Variants in AFF3 observed in about 807,000 individuals in gnomAD.
AFF3 encodes the protein AF4/FMR2 family member 3.
AFF3 carries 32 observed loss-of-function variants against 129.7 expected under a neutral mutation model. That is an observed-to-expected ratio of 0.25 (90% CI 0.19 to 0.33). The LOEUF is 0.33. AFF3 is among the 10% of genes least tolerant of loss of function. AFF3 has a pLI of 1.00. For missense variants in AFF3, 1,373 were observed against 1,592.0 expected, an observed-to-expected ratio of 0.86 and a Z score of 2.34; for synonymous variants, 644 against 635.4, an observed-to-expected ratio of 1.01 and a Z score of -0.20.
intron 7 of AFF3, among the ~76,000 whole-genome samples, chr2:99,948,634 C>T (rs1168195030): frequency 6.6e-6 from 1 of 152,162 alleles, no homozygotes; most frequent in African/African-American, 2.4e-5. Context: ...AATCATCCTC[C>T]TTGCCTAATT....
Position 99,842,421 on chromosome 2 carries a change from A to T in AFF3, c.874-4897T>A, listed in dbSNP as rs145598212. ...TACCCACTGAGAAGGAAGGCTGCAC[A>T]ATGCACATTTTAATTACTCTGTATT... On this transcript the variant is annotated intron_variant, in intron 7 of 24. Transcript: ENST00000672756. Among the ~76,000 whole-genome samples the T allele has an allele frequency of 2.6e-3, 390 of 152,240 alleles. 6 individuals are homozygous for T. The highest frequency in any genetic ancestry group is 9.0e-3 in the African/African-American group (374 of 41,546).
chr2:100,141,786 T>C (rs1052704053), intron 1 of AFF3, among the ~76,000 whole-genome samples: 1 of 152,210 alleles, frequency 6.6e-6, no homozygotes, highest in Non-Finnish European at 1.5e-5. Context: ...CATATGTGTG[T>C]GTACATATAT....
chr2:99,815,746 C>T (rs545006670), intron 8 of AFF3, among the ~76,000 whole-genome samples: 1 of 151,666 alleles, frequency 6.6e-6, no homozygotes, highest in South Asian at 2.1e-4. Flanking sequence ...AAAGATGTCA[C>T]CCCACTGTTT....
At chr2:99,662,310 T>C (rs1187865430) in intron 12 of AFF3, among the ~76,000 whole-genome samples, 3 of 152,234 alleles carry the variant, frequency 2.0e-5, no homozygotes, top group Admixed American at 1.3e-4. Context: ...ATTAGAGTTA[T>C]TGTTCTGTTT....
At chr2:99,842,382 T>C (rs1033101307) in intron 7 of AFF3, among the ~76,000 whole-genome samples, 14 of 152,232 alleles carry the variant, frequency 9.2e-5, no homozygotes, top group Admixed American at 2.0e-4. Flanking sequence ...AAGTTATTGC[T>C]TTCCTTGGAA....
At chr2:100,007,079 C>A in intron 6 of AFF3, 62 bp from the exon 7 acceptor site, 1 of 1,587,502 alleles carries the variant, frequency 6.3e-7, no homozygotes, top group Non-Finnish European at 8.6e-7. Flanking sequence ...TAGGGATTTT[C>A]TTTTTTCATT....
At chr2:99,566,430 C>A (rs1392006566) in intron 19 of AFF3, among the ~76,000 whole-genome samples, 7 of 152,072 alleles carry the variant, frequency 4.6e-5, no homozygotes, top group Non-Finnish European at 8.8e-5. Context: ...TGCCTGTAAT[C>A]CCAGTGTTTT....
At chr2:99,792,081 T>C (rs986514726) in intron 8 of AFF3, among the ~76,000 whole-genome samples, 8 of 152,208 alleles carry the variant, frequency 5.3e-5, no homozygotes, top group Non-Finnish European at 1.2e-4. Flanking sequence ...GATTGGCTGA[T>C]GTGTGATCGA....
chr2:99,633,909 C>CTTTTTTTT (rs139661861), intron 13 of AFF3, among the ~76,000 whole-genome samples: 12 of 116,422 alleles, frequency 1.0e-4, no homozygotes, highest in African/African-American at 1.8e-4. Flanking sequence ...TTCTTCCTTC[C>CTTTTTTTT]TTTTTTTTTT....
At chr2:99,811,801 C>G (rs1237514196) in intron 8 of AFF3, among the ~76,000 whole-genome samples, 2 of 152,214 alleles carry the variant, frequency 1.3e-5, no homozygotes, top group Non-Finnish European at 2.9e-5. Context: ...TTCATGCACA[C>G]AGTTAAAATA....
At chr2:99,964,616 G>A (rs1677557161) in intron 7 of AFF3, among the ~76,000 whole-genome samples, 1 of 152,260 alleles carries the variant, frequency 6.6e-6, no homozygotes, top group South Asian at 2.1e-4. Context: ...AAGTAATGCT[G>A]AGCGGGGAAT....
At chr2:99,932,530 C>T (rs929051877) in intron 7 of AFF3, among the ~76,000 whole-genome samples, 3 of 152,282 alleles carry the variant, frequency 2.0e-5, no homozygotes, top group South Asian at 2.1e-4. Context: ...CACACTACAT[C>T]GACCACTTCC....
At chr2:99,926,172 C>T (rs879351114) in intron 7 of AFF3, among the ~76,000 whole-genome samples, 4 of 152,102 alleles carry the variant, frequency 2.6e-5, no homozygotes, top group Admixed American at 6.5e-5. Flanking sequence ...CCAATGAGTA[C>T]GATACCAGAA....
intron 7 of AFF3, among the ~76,000 whole-genome samples, chr2:99,842,711 A>T (rs1286244292): frequency 1.3e-5 from 2 of 152,172 alleles, no homozygotes; most frequent in Admixed American, 6.5e-5. Context: ...CAAGAAATGT[A>T]CAGAACTATG....
intron 11 of AFF3, among the ~76,000 whole-genome samples, chr2:99,711,865 C>G (rs1349664069): frequency 6.6e-6 from 1 of 152,136 alleles, no homozygotes; most frequent in African/African-American, 2.4e-5. Flanking sequence ...TTGCTTGCTG[C>G]AGTCAATAAA....
At chr2:99,701,936 C>G (rs1459437024) in intron 11 of AFF3, among the ~76,000 whole-genome samples, 2 of 152,138 alleles carry the variant, frequency 1.3e-5, no homozygotes, top group African/African-American at 4.8e-5. Flanking sequence ...TTGAAATTGG[C>G]TTTTTTTCCA....
intron 8 of AFF3, among the ~76,000 whole-genome samples, chr2:99,770,472 T>C (rs1399237789): frequency 2.0e-5 from 3 of 152,162 alleles, no homozygotes; most frequent in Non-Finnish European, 4.4e-5. Context: ...CTTAGTGCTC[T>C]ACCCTGCTGT....
At chr2:99,646,395 C>T (rs1388104729) in intron 13 of AFF3, among the ~76,000 whole-genome samples, 1 of 152,154 alleles carries the variant, frequency 6.6e-6, no homozygotes, top group African/African-American at 2.4e-5. Flanking sequence ...AATTATAGAA[C>T]TCAGGAAGCA....
intron 12 of AFF3, among the ~76,000 whole-genome samples, chr2:99,667,003 A>G (rs559343031): frequency 1.3e-5 from 2 of 152,222 alleles, no homozygotes; most frequent in South Asian, 4.1e-4. Flanking sequence ...AATGAGACAG[A>G]AAGTCCAGAA....
Sources: allele counts gnomAD v4.1 joint callset (sites outside exome capture counted in the v4.1 genomes callset), GRCh38; gene constraint gnomAD v4.1.1; transcripts MANE v1.5; gene names NCBI Gene and HGNC (gene_info 2026-07-23, HGNC 2026-07-21).